The following TEKT5 variants were observed in gnomAD, a reference collection of about 807,000 sequenced individuals.
The protein encoded by TEKT5 is tektin 5.
TEKT5 carries 52 observed loss-of-function variants against 48.7 expected under a neutral mutation model. That is an observed-to-expected ratio of 1.07 (90% CI 0.86 to 1.35). The LOEUF (loss-of-function observed/expected upper bound fraction) is 1.35, where lower values mean the gene tolerates loss of function less well. Among genes scored for constraint, TEKT5 ranks in the 40% most tolerant of loss-of-function variants. TEKT5 has a pLI of 0.00. For missense variants in TEKT5, 831 were observed against 641.6 expected (o/e 1.30, Z -3.19); for synonymous variants, 318 against 267.6 (o/e 1.19, Z -1.84).
rs1897768565 is a variant in TEKT5 at position 10,627,504 on chromosome 16, C to G, written c.*79G>C. On this transcript the variant is annotated 3_prime_UTR_variant, in exon 7 of 7. Transcript: ENST00000283025. ...AAGAAAAAAAGAAAGTCGGCCCTTTCAAACAAAATACTGTTTTACTTTGTT... is the reference window on the plus strand; with the variant it reads ...AAGAAAAAAAGAAAGTCGGCCCTTTGAAACAAAATACTGTTTTACTTTGTT... The G allele has an allele frequency of 1.6e-5, 23 of 1,463,142 alleles. No individual in the cohort carries two copies. In the South Asian group the frequency reaches 2.6e-4, roughly 17 times the overall value. The allele number at this position is 1,463,142 out of a possible 1,614,324, so 90.6% of individuals were successfully genotyped here.
At chr16:10,682,258 T>C (rs767911154) in intron 3 of TEKT5, 122 bp from the exon 4 acceptor site, 4 of 1,098,448 alleles carry the variant, frequency 3.6e-6, no homozygotes, top group Non-Finnish European at 5.2e-6. Context: ...AGCTTCTCAG[T>C]CCTCTTCCCA....
At chr16:10,664,399 T>C (rs1898425221) in intron 5 of TEKT5, among the ~76,000 whole-genome samples, 1 of 152,224 alleles carries the variant, frequency 6.6e-6, no homozygotes, top group Admixed American at 6.5e-5. Flanking sequence ...ATTCAGTGGG[T>C]CCTGGATGGA....
At chr16:10,660,543 G>C (rs1077069) in intron 5 of TEKT5, among the ~76,000 whole-genome samples, 1 of 151,682 alleles carries the variant, frequency 6.6e-6, no homozygotes, top group Non-Finnish European at 1.5e-5. Flanking sequence ...TCATCCGGGA[G>C]ACAGAGACTG....
chr16:10,680,459 T>C (rs1198076630), intron 4 of TEKT5, among the ~76,000 whole-genome samples: 2 of 40,728 alleles, frequency 4.9e-5, no homozygotes, highest in Non-Finnish European at 7.6e-5. Flanking sequence ...TGCTAGGGAT[T>C]TTTTTTTTTT....
At chr16:10,635,664 A>C in intron 6 of TEKT5, 100 bp downstream of exon 6, 1 of 1,513,906 alleles carries the variant, frequency 6.6e-7, no homozygotes, top group Non-Finnish European at 8.9e-7. Context: ...AGGAGGGTCC[A>C]TTTTTCAGAC....
At chr16:10,630,224 G>A (rs367908845) in intron 6 of TEKT5, among the ~76,000 whole-genome samples, 3 of 151,384 alleles carry the variant, frequency 2.0e-5, no homozygotes, top group Non-Finnish European at 4.4e-5. Flanking sequence ...ATGAGCCACC[G>A]CACCCAGCTG....
chr16:10,687,889 T>C (rs1248221510), intron 3 of TEKT5, among the ~76,000 whole-genome samples: 2 of 152,258 alleles, frequency 1.3e-5, no homozygotes, highest in Admixed American at 1.3e-4. Flanking sequence ...ACCTGAGATA[T>C]TTTGATACAG....
intron 5 of TEKT5, among the ~76,000 whole-genome samples, chr16:10,664,575 G>C (rs1239701901): frequency 6.6e-6 from 1 of 152,250 alleles, no homozygotes; most frequent in Non-Finnish European, 1.5e-5. Flanking sequence ...CTGCAGGCCA[G>C]ACCCTGGCCA....
chr16:10,663,569 G>A (rs1001050991), intron 5 of TEKT5, among the ~76,000 whole-genome samples: 1 of 152,044 alleles, frequency 6.6e-6, no homozygotes, highest in Non-Finnish European at 1.5e-5. Context: ...GAGAGAGAAA[G>A]AGGAGAGGAG....
chr16:10,666,893 A>G (rs894666739), intron 5 of TEKT5, among the ~76,000 whole-genome samples: 2 of 151,982 alleles, frequency 1.3e-5, no homozygotes, highest in African/African-American at 2.4e-5. Context: ...CATATGAACT[A>G]TCTACACTGA....
intron 6 of TEKT5, among the ~76,000 whole-genome samples, chr16:10,631,404 G>T (rs1467408175): frequency 1.3e-5 from 2 of 151,530 alleles, no homozygotes; most frequent in Admixed American, 6.6e-5. Context: ...TCGAGTTTCG[G>T]GATAACCTCC....
chr16:10,658,452 C>G (rs1397532988), intron 5 of TEKT5, among the ~76,000 whole-genome samples: 1 of 152,206 alleles, frequency 6.6e-6, no homozygotes, highest in African/African-American at 2.4e-5. Flanking sequence ...AATGGATGAA[C>G]CTCACCAATA....
intron 5 of TEKT5, among the ~76,000 whole-genome samples, chr16:10,669,724 T>TC (rs1898522452): frequency 2.6e-5 from 4 of 151,664 alleles, no homozygotes; most frequent in Admixed American, 2.6e-4. Flanking sequence ...ATGCATCTTT[T>TC]CCCCCTACAC....
At chr16:10,673,511 G>A (rs1008025792) in intron 5 of TEKT5, among the ~76,000 whole-genome samples, 7 of 152,078 alleles carry the variant, frequency 4.6e-5, no homozygotes, top group Non-Finnish European at 7.3e-5. Flanking sequence ...AGGCCAACTC[G>A]ATGCCAACTT....
chr16:10,664,729 T>C (rs1388965772), intron 5 of TEKT5, among the ~76,000 whole-genome samples: 1 of 152,192 alleles, frequency 6.6e-6, no homozygotes, highest in Non-Finnish European at 1.5e-5. Flanking sequence ...AGGAAACAGA[T>C]TCAGAAGGGT....
chr16:10,628,333 GACAGGATGGTAAA>G (rs1255936619), intron 6 of TEKT5, among the ~76,000 whole-genome samples: 1 of 152,204 alleles, frequency 6.6e-6, no homozygotes, highest in East Asian at 1.9e-4. Context: ...GAAGAAATAA[GACAGGATGGTAAA>G]ACAGGATAGG....
At chr16:10,646,316 G>A (rs1275130707) in intron 5 of TEKT5, among the ~76,000 whole-genome samples, 1 of 152,118 alleles carries the variant, frequency 6.6e-6, no homozygotes, top group Non-Finnish European at 1.5e-5. Context: ...TGACTCTTGT[G>A]CACACTCAAA....
chr16:10,662,896 C>A (rs1898398389), intron 5 of TEKT5, among the ~76,000 whole-genome samples: 1 of 152,192 alleles, frequency 6.6e-6, no homozygotes, highest in Non-Finnish European at 1.5e-5. Context: ...CTAAGTAAAG[C>A]TCTCAGTAAG....
intron 5 of TEKT5, 152 bp downstream of exon 5, chr16:10,675,807 C>T (rs1898634321): frequency 2.7e-6 from 2 of 730,192 alleles, no homozygotes; most frequent in South Asian, 1.8e-5. Context: ...CCCTTGGCCC[C>T]TTTTAGGAAG....
Sources: gnomAD v4.1 joint callset for allele counts (sites outside exome capture counted in the v4.1 genomes callset) on GRCh38, gnomAD v4.1.1 for gene constraint, MANE v1.5 for transcripts, NCBI Gene and HGNC (gene_info 2026-07-23, HGNC 2026-07-21) for gene names.